Variants in MAGI1 observed in about 807,000 individuals in gnomAD.
The protein encoded by MAGI1 is membrane associated guanylate kinase, WW and PDZ domain containing 1.
A neutral mutation model predicts 139.9 loss-of-function variants in MAGI1; 58 were observed. That is an observed-to-expected ratio of 0.41 (90% CI 0.34 to 0.52). The LOEUF is 0.52. Ranked by LOEUF, MAGI1 falls within the 20% of genes least tolerant of loss-of-function variation. MAGI1 has a pLI of 0.12. For synonymous variants in MAGI1, 812 were observed against 737.9 expected, an observed-to-expected ratio of 1.10 and a Z score of -1.63; for missense variants, 1,874 against 1,901.6, an observed-to-expected ratio of 0.99 and a Z score of 0.27.
intron 1 of MAGI1, among the ~76,000 whole-genome samples, chr3:65,787,112 T>C (rs971414660): frequency 9.9e-5 from 15 of 152,118 alleles, no homozygotes; most frequent in Non-Finnish European, 1.6e-4. Flanking sequence ...ACAATAAAAC[T>C]GCCCCTATTT....
chr3:65,804,113 AAAAC>A (rs1302728946), intron 1 of MAGI1, among the ~76,000 whole-genome samples: 1 of 152,370 alleles, frequency 6.6e-6, no homozygotes, highest in Non-Finnish European at 1.5e-5. Flanking sequence ...AGAAATTCGA[AAAAC>A]AAACATTCAT....
intron 1 of MAGI1, among the ~76,000 whole-genome samples, chr3:65,952,904 G>T (rs1453167660): frequency 2.6e-5 from 4 of 152,168 alleles, no homozygotes; most frequent in Non-Finnish European, 4.4e-5. Context: ...TGTTTGTCTT[G>T]ACAAACACTT....
intron 1 of MAGI1, among the ~76,000 whole-genome samples, chr3:65,779,974 C>T (rs892993776): frequency 1.4e-5 from 2 of 146,838 alleles, no homozygotes; most frequent in African/African-American, 5.1e-5. Flanking sequence ...ATTTGACAAA[C>T]TTGAAAAGGG....
Position 65,673,079 on chromosome 3 carries a change from T to C in MAGI1, c.314-50991A>G, listed in dbSNP as rs536312429. On this transcript the variant is annotated intron_variant, in intron 1 of 22. Transcript: ENST00000402939. Reference sequence around the variant, plus strand: ...GACCGCCAGCGCCATCTGTCGGTGGTACACAGAGCTGTTGCACTTGTGCCT... The same window carrying C: ...GACCGCCAGCGCCATCTGTCGGTGGCACACAGAGCTGTTGCACTTGTGCCT... 4.6e-5 allele frequency among the ~76,000 whole-genome samples: 7 copies of C among 152,298 alleles called. No individual in the cohort carries two copies. In the East Asian group the frequency reaches 1.4e-3, roughly 30 times the overall value.
At chr3:65,936,537 G>A (rs2063061372) in intron 1 of MAGI1, among the ~76,000 whole-genome samples, 1 of 151,284 alleles carries the variant, frequency 6.6e-6, no homozygotes, top group Non-Finnish European at 1.5e-5. Flanking sequence ...TACTCAGGCA[G>A]TGGGCCAAGA....
chr3:65,588,454 G>A (rs1408595340), intron 2 of MAGI1, among the ~76,000 whole-genome samples: 1 of 152,094 alleles, frequency 6.6e-6, no homozygotes, highest in Non-Finnish European at 1.5e-5. Flanking sequence ...ATATGTAAAA[G>A]GCACATTAAA....
intron 1 of MAGI1, among the ~76,000 whole-genome samples, chr3:65,986,234 T>C (rs1428327974): frequency 3.3e-5 from 5 of 152,208 alleles, no homozygotes; most frequent in Admixed American, 1.3e-4. Context: ...ATTGTTTTTT[T>C]CTGTTGATGT....
At chr3:65,599,236 C>T (rs965118888) in intron 2 of MAGI1, among the ~76,000 whole-genome samples, 2 of 152,144 alleles carry the variant, frequency 1.3e-5, no homozygotes, top group Non-Finnish European at 2.9e-5. Flanking sequence ...GATGGCAAAG[C>T]AGGCTTTACG....
intron 14 of MAGI1, among the ~76,000 whole-genome samples, chr3:65,385,174 T>C (rs532702458): frequency 1.3e-5 from 2 of 152,322 alleles, no homozygotes; most frequent in Admixed American, 6.5e-5. Context: ...TCTTGTTTTT[T>C]AAAACAAATG....
intron 1 of MAGI1, among the ~76,000 whole-genome samples, chr3:65,846,987 A>AAAC (rs1553716739): frequency 1.3e-5 from 2 of 151,590 alleles, no homozygotes; most frequent in Admixed American, 1.3e-4. Context: ...AAAAAAAAAA[A>AAAC]AAAAAAAAAC....
At chr3:65,801,680 G>T (rs1351395342) in intron 1 of MAGI1, among the ~76,000 whole-genome samples, 1 of 152,006 alleles carries the variant, frequency 6.6e-6, no homozygotes, top group South Asian at 2.1e-4. Context: ...AATGCAGATA[G>T]GTTTTAAAGT....
Position 65,738,342 on chromosome 3 carries a change from A to T in MAGI1, c.314-116254T>A, listed in dbSNP as rs962758828. ...ATGGGCCACCACCCCAAGCCAATTT[A>T]AAAAAAAAATTTTTTTGTGGAGATG... On this transcript the variant is annotated intron_variant, in intron 1 of 22. Transcript: ENST00000402939. Among the ~76,000 whole-genome samples the T allele has an allele frequency of 1.8e-4, 28 of 152,280 alleles. No homozygotes were observed. In the East Asian group the frequency reaches 2.9e-3, roughly 16 times the overall value.
chr3:65,450,356 A>C (rs749789251), intron 6 of MAGI1, among the ~76,000 whole-genome samples: 6 of 152,234 alleles, frequency 3.9e-5, no homozygotes, highest in Non-Finnish European at 8.8e-5. Flanking sequence ...ATCCCAGATG[A>C]GAATGGAAGA....
chr3:65,421,291 C>T (rs1285768051), intron 12 of MAGI1, among the ~76,000 whole-genome samples: 2 of 152,148 alleles, frequency 1.3e-5, no homozygotes, highest in African/African-American at 2.4e-5. Flanking sequence ...AATTGGAATG[C>T]CATCCTGTTT....
At chr3:65,367,822 C>T (rs1941582369) in intron 18 of MAGI1, among the ~76,000 whole-genome samples, 1 of 152,082 alleles carries the variant, frequency 6.6e-6, no homozygotes, top group South Asian at 2.1e-4. Flanking sequence ...TTGGAACATT[C>T]CTTTCAAAAA....
chr3:65,834,986 G>C (rs1400767042), intron 1 of MAGI1, among the ~76,000 whole-genome samples: 1 of 152,142 alleles, frequency 6.6e-6, no homozygotes, highest in Admixed American at 6.5e-5. Context: ...CATTTGAAGT[G>C]AGTTTCTTGA....
intron 2 of MAGI1, among the ~76,000 whole-genome samples, chr3:65,505,948 A>C (rs2077268540): frequency 6.6e-6 from 1 of 152,156 alleles, no homozygotes; most frequent in Non-Finnish European, 1.5e-5. Flanking sequence ...AATAATAATA[A>C]ATAGTATAAT....
At chr3:65,413,226 G>T (rs754378892) in intron 12 of MAGI1, among the ~76,000 whole-genome samples, 1 of 152,074 alleles carries the variant, frequency 6.6e-6, no homozygotes, top group Non-Finnish European at 1.5e-5. Flanking sequence ...TCTGGAGGGG[G>T]GTACATTGTT....
intron 1 of MAGI1, among the ~76,000 whole-genome samples, chr3:66,006,514 C>T (rs577043507): frequency 6.6e-6 from 1 of 152,168 alleles, no homozygotes; most frequent in South Asian, 2.1e-4. Context: ...TGTGTCTATA[C>T]ATATACATAT....
Sources: gnomAD v4.1 joint callset for allele counts (sites outside exome capture counted in the v4.1 genomes callset) on GRCh38, gnomAD v4.1.1 for gene constraint, MANE v1.5 for transcripts, NCBI Gene and HGNC (gene_info 2026-07-23, HGNC 2026-07-21) for gene names.